Variants in AATF observed in about 807,000 individuals in gnomAD.
The protein encoded by AATF is protein AATF.
In AATF, 48 loss-of-function variants were observed where a neutral mutation model predicts 63.7. That is an observed-to-expected ratio of 0.75 (90% CI 0.60 to 0.96). The LOEUF is 0.96. Ranked by LOEUF, AATF falls within the 40% of genes least tolerant of loss-of-function variation. The pLI is 0.00. For missense variants in AATF, 639 were observed against 685.7 expected, an observed-to-expected ratio of 0.93 and a Z score of 0.76; for synonymous variants, 258 against 247.7, an observed-to-expected ratio of 1.04 and a Z score of -0.39.
Position 36,949,093 on chromosome 17 carries a change from G to A in AATF, c.-33G>A, listed in dbSNP as rs1226862285. 1.3e-6 allele frequency: 2 copies of A among 1,534,366 alleles called. No homozygotes were observed. The highest frequency in any genetic ancestry group is 3.9e-5 in the Admixed American group (2 of 51,134). On this transcript the variant is annotated 5_prime_UTR_variant, in exon 1 of 12. Coordinates refer to ENST00000619387, the MANE Select transcript of AATF (RefSeq NM_012138.4). ...CGGGGGTTGGGCCGCACATTTACGTGCGCGAAGCGGAGTGGACCGGGAGCT... is the reference window on the plus strand; with the variant it reads ...CGGGGGTTGGGCCGCACATTTACGTACGCGAAGCGGAGTGGACCGGGAGCT...
intron 8 of AATF, among the ~76,000 whole-genome samples, chr17:37,013,638 A>C (rs559932694): frequency 6.6e-6 from 1 of 152,304 alleles, no homozygotes; most frequent in East Asian, 1.9e-4. Context: ...TCATCTATGC[A>C]TGAGGGATCT....
intron 8 of AATF, among the ~76,000 whole-genome samples, chr17:36,994,250 C>T (rs954840640): frequency 6.6e-6 from 1 of 152,130 alleles, no homozygotes; most frequent in Admixed American, 6.5e-5. Flanking sequence ...ATATTTCATT[C>T]TTGAGCCATA....
chr17:36,969,105 T>C (rs2071019363), intron 4 of AATF, among the ~76,000 whole-genome samples: 1 of 152,208 alleles, frequency 6.6e-6, no homozygotes, highest in Admixed American at 6.5e-5. Context: ...AAAAAGTTGA[T>C]TGGGAACTTT....
rs776468502 is a variant in AATF, at chr17:37,056,666, A to G, written c.*2A>G. On this transcript the variant is annotated 3_prime_UTR_variant, in exon 12 of 12. Coordinates refer to ENST00000619387, the MANE Select transcript of AATF (RefSeq NM_012138.4). ...CCCGACGAAGGCCACGGGGATTGAC[A>G]TCGCCCACCTCCGACACCCAGTGGG... 2 of 1,614,096 alleles carry G rather than the reference A, an allele frequency of 1.2e-6. No homozygotes were observed. The highest frequency in any genetic ancestry group is 1.7e-6 in the Non-Finnish European group (2 of 1,179,992).
At chr17:36,954,006 T>A in intron 4 of AATF, 99 bp downstream of exon 4, 1 of 1,328,560 alleles carries the variant, frequency 7.5e-7, no homozygotes, top group Non-Finnish European at 1.0e-6. Flanking sequence ...ATGTTTATTG[T>A]GCTTTCTTCT....
intron 2 of AATF, among the ~76,000 whole-genome samples, chr17:36,952,538 T>G (rs2070863415): frequency 6.6e-6 from 1 of 152,262 alleles, no homozygotes; most frequent in Non-Finnish European, 1.5e-5. Context: ...ATGCTAGCTC[T>G]TCCTTAGAGA....
intron 8 of AATF, among the ~76,000 whole-genome samples, chr17:36,998,301 T>C (rs1339092374): frequency 1.3e-5 from 2 of 152,206 alleles, no homozygotes; most frequent in African/African-American, 4.8e-5. Context: ...TTGGAGACCA[T>C]CAAGTCCAAA....
At chr17:37,018,529 G>A (rs2142285963) in intron 8 of AATF, among the ~76,000 whole-genome samples, 1 of 152,336 alleles carries the variant, frequency 6.6e-6, no homozygotes, top group Middle Eastern at 3.4e-3. Flanking sequence ...ATTACATACA[G>A]TAAAGGCTTT....
rs2071447216 is a variant in AATF, at chr17:37,018,805, C to T, written c.1399-200C>T. On this transcript the variant is annotated intron_variant, in intron 8 of 11. Coordinates refer to ENST00000619387, the MANE Select transcript of AATF (RefSeq NM_012138.4). Reference sequence around the variant, plus strand: ...CCAAATGGACTTCTGTTCTCAGCTACTGCTATAGCCACCTTTTTAAAGATA... The same window carrying T: ...CCAAATGGACTTCTGTTCTCAGCTATTGCTATAGCCACCTTTTTAAAGATA... The T allele has an allele frequency of 8.7e-6, 5 of 574,816 alleles. No individual in the cohort carries two copies. The Admixed American group carries it at 1.3e-4, about 15-fold the overall frequency. The allele number at this position is 574,816 out of a possible 1,614,324, so 35.6% of individuals were successfully genotyped here. A position where few individuals can be genotyped will look rare whatever the true frequency, so the allele number is the denominator to read the frequency against.
At chr17:37,007,126 G>C (rs1270955768) in intron 8 of AATF, among the ~76,000 whole-genome samples, 1 of 152,082 alleles carries the variant, frequency 6.6e-6, no homozygotes, top group African/African-American at 2.4e-5. Context: ...CCTTGCAAAA[G>C]GTGGCTGCTT....
intron 8 of AATF, among the ~76,000 whole-genome samples, chr17:37,018,557 T>C (rs1283780211): frequency 6.6e-6 from 1 of 152,234 alleles, no homozygotes; most frequent in African/African-American, 2.4e-5. Context: ...AGGAAGACCT[T>C]CCTGACTGTT....
At chr17:36,988,293 G>A (rs1451452419) in intron 5 of AATF, among the ~76,000 whole-genome samples, 2 of 152,076 alleles carry the variant, frequency 1.3e-5, no homozygotes, top group Admixed American at 6.5e-5. Context: ...TCCAGCCTGG[G>A]CAACAGAGCA....
chr17:37,041,427 T>G lies in AATF; in HGVS notation c.1619+9742T>G, dbSNP rs572681725. 9.8e-5 allele frequency among the ~76,000 whole-genome samples: 15 copies of G among 152,290 alleles called. No homozygotes were observed. In the South Asian group the frequency reaches 2.7e-3, roughly 27 times the overall value. On this transcript the variant is annotated intron_variant, in intron 11 of 11. Coordinates refer to ENST00000619387, the MANE Select transcript of AATF (RefSeq NM_012138.4). ...AAACTTTCTAATGACTCTTGATGAG[T>G]TTTACTAAGTTACATGACTCTTTTC...
intron 8 of AATF, among the ~76,000 whole-genome samples, chr17:37,002,903 GTTTTTTT>G (rs35926577): frequency 4.0e-5 from 4 of 99,196 alleles, no homozygotes; most frequent in Non-Finnish European, 7.9e-5. Context: ...TCCTGTTGCT[GTTTTTTT>G]TTTTTTTTTT....
At chr17:36,977,581 T>C (rs2071088577) in intron 4 of AATF, among the ~76,000 whole-genome samples, 1 of 152,146 alleles carries the variant, frequency 6.6e-6, no homozygotes, top group African/African-American at 2.4e-5. Context: ...GTTTCCTTTC[T>C]TCACAGTTTA....
rs574113702 is a variant in AATF, at chr17:36,979,723, C to T, written c.833-6894C>T. Among the ~76,000 whole-genome samples the T allele has an allele frequency of 7.2e-5, 11 of 152,254 alleles. No homozygotes were observed. The East Asian group carries it at 1.2e-3, about 16-fold the overall frequency. On this transcript the variant is annotated intron_variant, in intron 4 of 11. Transcript: ENST00000619387. ...TTTATACACTCACTCTTCCTGTTCT[C>T]GCTTCACGCCATTGCCAGAAATTGT...
chr17:37,008,131 C>T (rs923654610), intron 8 of AATF, among the ~76,000 whole-genome samples: 5 of 151,966 alleles, frequency 3.3e-5, no homozygotes, highest in Admixed American at 1.3e-4. Context: ...GCAGCTGTGG[C>T]GATTTAGCTG....
chr17:36,963,621 T>C lies in AATF; in HGVS notation c.832+9714T>C, dbSNP rs566144097. 2.4e-4 allele frequency among the ~76,000 whole-genome samples: 36 copies of C among 152,342 alleles called. No homozygotes were observed. The East Asian group carries it at 6.9e-3, about 29-fold the overall frequency. On this transcript the variant is annotated intron_variant, in intron 4 of 11. Transcript: ENST00000619387. ...TAAAATCACACAGGAGTAAGATAAATATACAGAAGCCTTCAGGAAGACAGT... is the reference window on the plus strand; with the variant it reads ...TAAAATCACACAGGAGTAAGATAAACATACAGAAGCCTTCAGGAAGACAGT...
chr17:37,046,303 C>T (rs975265242), intron 11 of AATF, among the ~76,000 whole-genome samples: 1 of 151,936 alleles, frequency 6.6e-6, no homozygotes, highest in Non-Finnish European at 1.5e-5. Context: ...ACCATTAGAC[C>T]ATTAGAGTGT....
Sources: gnomAD v4.1 joint callset for allele counts (sites outside exome capture counted in the v4.1 genomes callset) on GRCh38, gnomAD v4.1.1 for gene constraint, MANE v1.5 for transcripts, NCBI Gene and HGNC (gene_info 2026-07-23, HGNC 2026-07-21) for gene names.